XRCC5: variants seen among roughly 807,000 people sequenced by gnomAD.
The protein encoded by XRCC5 is X-ray repair cross complementing 5.
Under a neutral mutation model 95.7 loss-of-function variants are expected in XRCC5, and 12 were observed. The ratio of observed to expected loss-of-function variants is 0.13; its 90% CI spans 0.08 to 0.20. The LOEUF (loss-of-function observed/expected upper bound fraction) is 0.20. Ranked by LOEUF, XRCC5 falls within the 10% of genes least tolerant of loss-of-function variation. XRCC5 has a pLI of 1.00. For missense variants in XRCC5, 595 were observed against 873.9 expected, an observed-to-expected ratio of 0.68 and a Z score of 4.02; for synonymous variants, 281 against 290.3, an observed-to-expected ratio of 0.97 and a Z score of 0.33.
At chr2:216,183,299 T>C (rs533925082) in intron 16 of XRCC5, among the ~76,000 whole-genome samples, 2 of 152,180 alleles carry the variant, frequency 1.3e-5, no homozygotes, top group Non-Finnish European at 2.9e-5. Context: ...CTGTTCCTTG[T>C]GCCTGGGGTT....
chr2:216,130,858 C>T lies in XRCC5; in HGVS notation c.938-17C>T. ...AGGCCCCATATGCTTAACAGATGCT[C>T]TTCTCTTTTTCTCCAGGGTTCCGCT... On this transcript the variant is annotated splice_polypyrimidine_tract_variant and intron_variant, in intron 8 of 20. Coordinates refer to ENST00000392132, the MANE Select transcript of XRCC5 (RefSeq NM_021141.4). The T allele has an allele frequency of 6.4e-7, 1 of 1,571,606 alleles. No homozygotes were observed. Among genetic ancestry groups the T allele is most frequent in the Non-Finnish European group, 8.7e-7 (1 of 1,149,404 alleles).
chr2:216,137,692 G>T (rs1697108326), intron 11 of XRCC5, among the ~76,000 whole-genome samples: 1 of 152,094 alleles, frequency 6.6e-6, no homozygotes, highest in South Asian at 2.1e-4. Flanking sequence ...TTTATTTAGG[G>T]CTCTCTTGTG....
chr2:216,190,145 A>C (rs1452944903), intron 16 of XRCC5, 80 bp from the exon 17 acceptor site: 1 of 1,207,646 alleles, frequency 8.3e-7, no homozygotes, highest in Non-Finnish European at 1.2e-6. Context: ...TATAATACAT[A>C]CTTATAGGCA....
intron 10 of XRCC5, among the ~76,000 whole-genome samples, chr2:216,136,152 T>A (rs1262290645): frequency 6.6e-6 from 1 of 150,914 alleles, no homozygotes; most frequent in Non-Finnish European, 1.5e-5. Context: ...AAGTTGGGAG[T>A]TTGAGACCAG....
intron 20 of XRCC5, 46 bp from the exon 21 acceptor site, chr2:216,205,142 T>C (rs1000201274): frequency 1.9e-6 from 3 of 1,613,074 alleles, no homozygotes; most frequent in Middle Eastern, 3.3e-4. Flanking sequence ...AGCAGTGGTA[T>C]GAAATTGGCC....
chr2:216,145,631 G>A lies in XRCC5; in HGVS notation c.1477-2452G>A, dbSNP rs78666775. ...CCTGAATGAATTTTGTAAGTATCTC[G>A]CTTAGCTTAATTTGCCTAAAATGTG... On this transcript the variant is annotated intron_variant, in intron 13 of 20. Coordinates refer to ENST00000392132, the MANE Select transcript of XRCC5 (RefSeq NM_021141.4). Among the ~76,000 whole-genome samples, 79 of 152,180 alleles carry A rather than the reference G, an allele frequency of 5.2e-4. No homozygotes were observed. The East Asian group carries it at 0.013, about 25-fold the overall frequency.
At chr2:216,149,136 C>T (rs1008675317) in intron 14 of XRCC5, among the ~76,000 whole-genome samples, 2 of 152,068 alleles carry the variant, frequency 1.3e-5, no homozygotes, top group Non-Finnish European at 2.9e-5. Flanking sequence ...GACAAAGCTT[C>T]TTATTTATAA....
intron 10 of XRCC5, among the ~76,000 whole-genome samples, chr2:216,135,798 CA>C (rs34520726): frequency 0.31 from 43,485 of 138,860 alleles, 6,864 homozygotes; most frequent in East Asian, 0.66. Context: ...GACTCTGTCT[CA>C]AAAAAAAAAA....
intron 19 of XRCC5, chr2:216,203,965 C>A: frequency 5.2e-6 from 1 of 193,982 alleles, no homozygotes; most frequent in South Asian, 1.1e-4. Flanking sequence ...TGGTTATTTT[C>A]TTAACCTTAG....
intron 16 of XRCC5, among the ~76,000 whole-genome samples, chr2:216,164,866 C>T (rs1445741208): frequency 6.6e-6 from 1 of 152,148 alleles, no homozygotes; most frequent in Non-Finnish European, 1.5e-5. Flanking sequence ...AGAGAAAGCA[C>T]CTGAGCACAC....
At chr2:216,124,377 G>T (rs1241883418) in intron 6 of XRCC5, among the ~76,000 whole-genome samples, 1 of 152,158 alleles carries the variant, frequency 6.6e-6, no homozygotes, top group Non-Finnish European at 1.5e-5. Context: ...CTCCCAAGTA[G>T]CTGGGATTAC....
chr2:216,110,007 A>G (rs1328302852), intron 1 of XRCC5, among the ~76,000 whole-genome samples: 3 of 152,258 alleles, frequency 2.0e-5, no homozygotes, highest in African/African-American at 4.8e-5. Flanking sequence ...TGAGGGACGG[A>G]TCTAAACCTT....
chr2:216,131,646 T>A (rs577600106), intron 9 of XRCC5, among the ~76,000 whole-genome samples: 4 of 152,314 alleles, frequency 2.6e-5, no homozygotes, highest in African/African-American at 9.6e-5. Context: ...CCTTCCCCTC[T>A]AAGTCTTCAC....
chr2:216,204,195 G>A (rs543322313), intron 19 of XRCC5, 127 bp from the exon 20 acceptor site: 1 of 1,055,448 alleles, frequency 9.5e-7, no homozygotes, highest in Admixed American at 2.0e-5. Flanking sequence ...GTTTCTTTTG[G>A]GCCGTTGGCA....
intron 16 of XRCC5, among the ~76,000 whole-genome samples, chr2:216,187,525 A>G (rs1277644651): frequency 9.0e-6 from 1 of 111,172 alleles, no homozygotes; most frequent in Non-Finnish European, 1.8e-5. Context: ...TGTGTGTTCT[A>G]TCATATTTCA....
chr2:216,169,190 A>G (rs1469599306), intron 16 of XRCC5, among the ~76,000 whole-genome samples: 1 of 152,246 alleles, frequency 6.6e-6, no homozygotes, highest in Non-Finnish European at 1.5e-5. Context: ...CATATTCAGC[A>G]GGTTACAGGA....
At position 216,109,371 on chromosome 2, in the gene XRCC5, A is replaced by C. The variant is rs1015099584; in HGVS notation, c.-66A>C. The C allele has an allele frequency of 6.2e-7, 1 of 1,611,968 alleles. No homozygotes were observed. Among genetic ancestry groups the C allele is most frequent in the Middle Eastern group, 1.7e-4 (1 of 6,008 alleles). The stretch of plus-strand genomic sequence containing the variant: ...CCGCTATCTGCCGCTTGTCCACCGG[A>C]AGCGAGTTGCGACACGGCAGGTTCC... On this transcript the variant is annotated 5_prime_UTR_variant, in exon 1 of 21. Transcript: ENST00000392132.
intron 14 of XRCC5, among the ~76,000 whole-genome samples, chr2:216,159,132 TTAAAA>T (rs1485605895): frequency 1.1e-4 from 16 of 152,238 alleles, no homozygotes; most frequent in East Asian, 3.8e-4. Flanking sequence ...AATTTTTATG[TTAAAA>T]TAAATGAATT....
intron 19 of XRCC5, among the ~76,000 whole-genome samples, chr2:216,201,430 A>T (rs1689831618): frequency 6.6e-6 from 1 of 152,156 alleles, no homozygotes. Flanking sequence ...TTTTAGTCTT[A>T]TGGTGGTATA....
Sources: gnomAD v4.1 joint callset for allele counts (sites outside exome capture counted in the v4.1 genomes callset) on GRCh38, gnomAD v4.1.1 for gene constraint, MANE v1.5 for transcripts, NCBI Gene and HGNC (gene_info 2026-07-23, HGNC 2026-07-21) for gene names.